The following BCL11A variants were observed in gnomAD, a reference collection of about 807,000 sequenced individuals.
BCL11A encodes the protein B cell CLL/lymphoma 11A.
In BCL11A, 2 loss-of-function variants were observed where a neutral mutation model predicts 55.9. The ratio of observed to expected loss-of-function variants is 0.04; its 90% CI spans 0.01 to 0.11. The LOEUF (loss-of-function observed/expected upper bound fraction) is 0.11. Ranked by LOEUF, BCL11A falls within the 10% of genes least tolerant of loss-of-function variation. The pLI, the probability that BCL11A is intolerant of heterozygous loss-of-function variation, is 1.00. For synonymous variants in BCL11A, 465 were observed against 473.4 expected, an observed-to-expected ratio of 0.98 and a Z score of 0.23; for missense variants, 817 against 1,137.1, an observed-to-expected ratio of 0.72 and a Z score of 4.05.
intron 2 of BCL11A, among the ~76,000 whole-genome samples, chr2:60,488,465 A>G (rs1001508671): frequency 3.3e-5 from 5 of 152,228 alleles, no homozygotes; most frequent in Admixed American, 1.3e-4. Context: ...ACACGTAGGT[A>G]CTGTCATTTA....
At chr2:60,467,300 ATGG>A (rs1676756878) in intron 3 of BCL11A, among the ~76,000 whole-genome samples, 1 of 19,038 alleles carries the variant, frequency 5.3e-5, no homozygotes, top group African/African-American at 2.1e-4. Context: ...GGTGGTGGTA[ATGG>A]TGGTGGTGGT....
intron 1 of BCL11A, among the ~76,000 whole-genome samples, chr2:60,549,324 G>A (rs1334489258): frequency 6.6e-6 from 1 of 152,220 alleles, no homozygotes; most frequent in African/African-American, 2.4e-5. Flanking sequence ...AGCTGCCGGG[G>A]AGCGGAGGGG....
chr2:60,461,998 G>A lies in BCL11A; in HGVS notation c.914C>T (p.Pro305Leu). 1 of 1,613,452 alleles carries A rather than the reference G, an allele frequency of 6.2e-7. No individual in the cohort carries two copies. The highest frequency in any genetic ancestry group is 8.5e-7 in the Non-Finnish European group (1 of 1,179,958). Residue 305 changes from proline (P) to leucine (L), a missense_variant, in exon 4 of 4, where the codon CCA (proline) becomes CTA (leucine). Pro to Leu is a moderately conservative substitution (Grantham distance 98). Coordinates refer to ENST00000642384, the MANE Select transcript of BCL11A (RefSeq NM_022893.4). ...CATGGCGGGAGGCTCCATAGCCATTGGATTCAACCGCAGCACCCTGTCAAA... is the reference window on the plus strand; with the variant it reads ...CATGGCGGGAGGCTCCATAGCCATTAGATTCAACCGCAGCACCCTGTCAAA... The part of the protein sequence containing the change: ...SAFDRVLRLN[P>L]MAMEPPAMDF...
intron 2 of BCL11A, among the ~76,000 whole-genome samples, chr2:60,481,632 G>A (rs937726345): frequency 2.0e-5 from 3 of 152,112 alleles, no homozygotes; most frequent in Non-Finnish European, 2.9e-5. Flanking sequence ...TCCATGGCTC[G>A]TGAATTTTTT....
chr2:60,542,256 A>G (rs1250869340), intron 2 of BCL11A: 5 of 183,548 alleles, frequency 2.7e-5, no homozygotes, highest in Admixed American at 6.2e-5. Flanking sequence ...AGCTAACTTT[A>G]TGACAGCCCA....
At position 60,462,220 on chromosome 2, in the gene BCL11A, T is replaced by C. The variant is rs1676355592; in HGVS notation, c.692A>G (p.His231Arg). Residue 231 changes from histidine to arginine, a missense_variant, in exon 4 of 4, where the codon CAT becomes CGT. Around this residue, in one of 4 missense-constraint regions of BCL11A, gnomAD observed 363 missense variants for 486.6 expected, o/e 0.75. Coordinates refer to ENST00000642384, the MANE Select transcript of BCL11A (RefSeq NM_022893.4). ...CPSQPPLHGI[H>R]IADNNPFNLL... ...GTTAAAGGGGTTATTGTCTGCAATA[T>C]GAATCCCATGGAGAGGTGGCTGGGA... The C allele has an allele frequency of 1.2e-6, 2 of 1,612,700 alleles. No homozygotes were observed. Among genetic ancestry groups the C allele is most frequent in the African/African-American group, 1.3e-5 (1 of 74,866 alleles).
At chr2:60,503,136 G>C (rs1679387060) in intron 2 of BCL11A, among the ~76,000 whole-genome samples, 1 of 152,200 alleles carries the variant, frequency 6.6e-6, no homozygotes, top group East Asian at 1.9e-4. Flanking sequence ...CCTGGCAATG[G>C]GAGCAGGAAT....
At chr2:60,516,835 G>C (rs1668752786) in intron 2 of BCL11A, among the ~76,000 whole-genome samples, 2 of 151,780 alleles carry the variant, frequency 1.3e-5, no homozygotes, top group Non-Finnish European at 2.9e-5. Context: ...AAGATATCTT[G>C]CCATTGGACT....
chr2:60,539,670 A>T (rs917393791), intron 2 of BCL11A, among the ~76,000 whole-genome samples: 2 of 152,210 alleles, frequency 1.3e-5, no homozygotes, highest in African/African-American at 4.8e-5. Context: ...TTTTAAAATT[A>T]TTATTATTTT....
intron 2 of BCL11A, among the ~76,000 whole-genome samples, chr2:60,493,299 A>T (rs1678754141): frequency 1.3e-5 from 2 of 151,402 alleles, no homozygotes; most frequent in African/African-American, 4.9e-5. Flanking sequence ...ATGTGTTTAT[A>T]GGAATGTATG....
At chr2:60,547,074 G>C (rs1670188962) in intron 1 of BCL11A, among the ~76,000 whole-genome samples, 1 of 152,120 alleles carries the variant, frequency 6.6e-6, no homozygotes, top group Non-Finnish European at 1.5e-5. Context: ...GGATACTTTT[G>C]AGTACTTAAG....
chr2:60,452,404 T>A, downstream of BCL11A: 1 of 561,428 alleles, frequency 1.8e-6, no homozygotes, highest in Admixed American at 3.1e-5. Context: ...AAAATATAAA[T>A]AAAATGGCGC....
At chr2:60,522,683 C>T (rs893746644) in intron 2 of BCL11A, 1 of 152,296 alleles carries the variant, frequency 6.6e-6, no homozygotes, top group African/African-American at 2.4e-5. Flanking sequence ...CCTGAGTCTC[C>T]CTCACTCCCC....
intron 2 of BCL11A, among the ~76,000 whole-genome samples, chr2:60,520,555 T>C (rs1403340401): frequency 6.6e-6 from 1 of 152,242 alleles, no homozygotes; most frequent in Non-Finnish European, 1.5e-5. Context: ...GGAGAAATTA[T>C]CCTCACAGAG....
chr2:60,545,748 T>C (rs2104746989), intron 2 of BCL11A: 1 of 549,320 alleles, frequency 1.8e-6, no homozygotes, highest in Admixed American at 3.2e-5. Context: ...CTGATGTGTG[T>C]ACCTATCCTG....
chr2:60,476,460 A>T (rs1317840505), intron 2 of BCL11A, among the ~76,000 whole-genome samples: 1 of 152,250 alleles, frequency 6.6e-6, no homozygotes, highest in Non-Finnish European at 1.5e-5. Flanking sequence ...ACAAAGGCAC[A>T]CACAGGACTC....
downstream of BCL11A, chr2:60,452,673 A>G (rs749937730): frequency 1.1e-5 from 18 of 1,608,012 alleles, no homozygotes; most frequent in Non-Finnish European, 1.5e-5. Context: ...GAACCTAGAA[A>G]GAGGTTGGAG....
intron 2 of BCL11A, among the ~76,000 whole-genome samples, chr2:60,490,150 T>C (rs113539416): frequency 1.1e-3 from 160 of 152,280 alleles, no homozygotes; most frequent in African/African-American, 3.8e-3. Flanking sequence ...ATTCTGCTAG[T>C]GAAAGGAAAC....
At chr2:60,531,727 C>T (rs1313281469) in intron 2 of BCL11A, among the ~76,000 whole-genome samples, 3 of 152,062 alleles carry the variant, frequency 2.0e-5, no homozygotes, top group African/African-American at 4.8e-5. Flanking sequence ...AGACGCTGAC[C>T]CCAGTACCCA....
Sources: allele counts gnomAD v4.1 joint callset (sites outside exome capture counted in the v4.1 genomes callset), GRCh38; gene constraint gnomAD v4.1.1; regional missense constraint gnomAD v4.1.1; transcripts MANE v1.5; gene names NCBI Gene and HGNC (gene_info 2026-07-23, HGNC 2026-07-21).